Variants in CCDC166 observed in about 807,000 individuals in gnomAD.
CCDC166 encodes the protein coiled-coil domain-containing protein 166.
CCDC166 carries 17 observed loss-of-function variants against 14.4 expected under a neutral mutation model. The ratio of observed to expected loss-of-function variants is 1.18; its 90% CI spans 0.81 to 1.77. The LOEUF is 1.77. Ranked by LOEUF, CCDC166 falls within the 40% of genes most tolerant of loss-of-function variation. CCDC166 has a pLI of 0.00. For missense variants in CCDC166, 738 were observed against 665.8 expected, an observed-to-expected ratio of 1.11 and a Z score of -1.19; for synonymous variants, 336 against 330.1, an observed-to-expected ratio of 1.02 and a Z score of -0.20.
In CCDC166 at chr8:143,707,725, C is replaced by G; in HGVS notation, c.385G>C (p.Glu129Gln). 1 of 1,527,798 alleles carries G rather than the reference C, an allele frequency of 6.5e-7. No homozygotes were observed. The allele number at this position is 1,527,798 out of a possible 1,614,324, so 94.6% of individuals were successfully genotyped here. Reference sequence around the variant, plus strand: ...ATCTGTGCCGCGCGCGCCTCCATCTCCAACAGCTGCGCGCGCACCCCGTCC... The same window carrying G: ...ATCTGTGCCGCGCGCGCCTCCATCTGCAACAGCTGCGCGCGCACCCCGTCC... ...REDGVRAQLL[E>Q]MEARAAQMAQ... Residue 129 changes from glutamate (E) to glutamine (Q), a missense_variant, in exon 1 of 2, where the codon GAG (glutamate) becomes CAG (glutamine). Physicochemically the swap from Glu to Gln is conservative, Grantham distance 29 (BLOSUM62 2). Transcript: ENST00000542437. The surrounding 1 kb of genome is among the most constrained non-coding windows in gnomAD (Gnocchi z 8.0).
Position 143,707,311 on chromosome 8 carries a change from G to C in CCDC166, c.703C>G (p.Leu235Val). Reference protein sequence around the residue: ...GRLRQELLLLLRRTQLLHHTR... With the variant: ...GRLRQELLLLVRRTQLLHHTR... ...TGGTGCAGCAGCTGGGTCCGGCGGA[G>C]CAGCAGCAGCAGCTCCTGCCGCAGG... Residue 235 changes from leucine to valine, a missense_variant, in exon 2 of 2, where the codon CTC (leucine) becomes GTC (valine). Coordinates refer to ENST00000542437, the MANE Select transcript of CCDC166 (RefSeq NM_001162914.1). The surrounding 1 kb of genome is among the most constrained non-coding windows in gnomAD (Gnocchi z 8.0). The C allele has an allele frequency of 2.8e-6, 4 of 1,414,904 alleles. No homozygotes were observed. The highest frequency in any genetic ancestry group is 3.7e-6 in the Non-Finnish European group (4 of 1,089,418). 87.6% of individuals were successfully genotyped at this position (1,414,904 alleles called of 1,614,324 possible).
Position 143,707,081 on chromosome 8 carries a change from C to T in CCDC166, c.933G>A (p.Pro311=). 1 of 1,530,220 alleles carries T rather than the reference C, an allele frequency of 6.5e-7. No homozygotes were observed. Among genetic ancestry groups the T allele is most frequent in the Non-Finnish European group, 8.7e-7 (1 of 1,144,650 alleles). The allele number at this position is 1,530,220 out of a possible 1,614,324, so 94.8% of individuals were successfully genotyped here. Residue 311 remains proline, a synonymous_variant, in exon 2 of 2, where the codon CCG becomes CCA. Coordinates refer to ENST00000542437, the MANE Select transcript of CCDC166 (RefSeq NM_001162914.1). This position sits in a 1 kb window ranked among gnomAD's most constrained non-coding sequence, Gnocchi z 8.0. ...GGGCCGCGCGCGACGGTACCACAGA[C>T]GGGGTCTGGGAGGCCGCGCGCGACG... ...ISPSRAASQT[P]SVVPSRAAPR...
rs1817570882 is a variant in CCDC166 at position 143,707,894 on chromosome 8, C to T, written c.216G>A (p.Glu72=). ...LDREALRLRE[E]NRLYASYVSA... Reference sequence around the variant, plus strand: ...TCACGTAGCTGGCGTAGAGCCGGTTCTCCTCGCGCAGGCGCAGCGCCTCGC... The same window carrying T: ...TCACGTAGCTGGCGTAGAGCCGGTTTTCCTCGCGCAGGCGCAGCGCCTCGC... Residue 72 remains glutamate (E), a synonymous_variant, in exon 1 of 2, where the codon GAG becomes GAA. Transcript: ENST00000542437. This position sits in a 1 kb window ranked among gnomAD's most constrained non-coding sequence, Gnocchi z 8.0. 4.6e-6 allele frequency: 7 copies of T among 1,537,902 alleles called. No individual in the cohort carries two copies. The highest frequency in any genetic ancestry group is 6.1e-6 in the Non-Finnish European group (7 of 1,146,514).
Position 143,707,064 on chromosome 8 carries a change from C to T in CCDC166, c.950G>A (p.Arg317His). Residue 317 changes from arginine to histidine, a missense_variant, in exon 2 of 2, where the codon CGC (arginine) becomes CAC (histidine). By Grantham distance (29) the Arg-to-His change is conservative (BLOSUM62 0). Transcript: ENST00000542437. This position sits in a 1 kb window ranked among gnomAD's most constrained non-coding sequence, Gnocchi z 8.0. ...ASQTPSVVPS[R>H]AAPRASSVVP... is the part of the protein sequence containing the mutation. ...CACGGACGAGGCCCGGGGGGCCGCGCGCGACGGTACCACAGACGGGGTCTG... is the reference window on the plus strand; with the variant it reads ...CACGGACGAGGCCCGGGGGGCCGCGTGCGACGGTACCACAGACGGGGTCTG... 2 of 1,533,224 alleles carry T rather than the reference C, an allele frequency of 1.3e-6. No individual in the cohort carries two copies. The highest frequency in any genetic ancestry group is 1.7e-6 in the Non-Finnish European group (2 of 1,145,846). 95.0% of individuals were successfully genotyped at this position (1,533,224 alleles called of 1,614,324 possible).
chr8:143,706,917 G>A lies in CCDC166; in HGVS notation c.1097C>T (p.Ala366Val), dbSNP rs540956751. 5.8e-6 allele frequency: 9 copies of A among 1,549,762 alleles called. No individual in the cohort carries two copies. In the African/African-American group the frequency reaches 1.2e-4, roughly 21 times the overall value. ...CACCAGCGACAGGGCCCGGGAGCCT[G>A]CGCGCGAAGCGGTCAGGGATGGCAT... ...SRMPSLTASRAGSRALSLVQS... is the reference protein window; with the variant it reads ...SRMPSLTASRVGSRALSLVQS... Residue 366 changes from alanine (A) to valine (V), a missense_variant, in exon 2 of 2, where the codon GCA becomes GTA. Ala to Val is a moderately conservative substitution (Grantham distance 64). Coordinates refer to ENST00000542437, the MANE Select transcript of CCDC166 (RefSeq NM_001162914.1).
At position 143,706,851 on chromosome 8, in the gene CCDC166, G is replaced by C. The variant is rs1005566324; in HGVS notation, c.1163C>G (p.Pro388Arg). ...EGSGISSGSS[P>R]RVSSQDTLRS... ...GAGAGTGTCCTGTGAGGACACCCTC[G>C]GTGAGGACCCCGAAGAGATCCCAGA... Residue 388 changes from proline to arginine, a missense_variant, in exon 2 of 2, where the codon CCG becomes CGG. By Grantham distance (103) the Pro-to-Arg change is moderately radical. Transcript: ENST00000542437. 10 of 1,550,850 alleles carry C rather than the reference G, an allele frequency of 6.4e-6. No individual in the cohort carries two copies. Among genetic ancestry groups the C allele is most frequent in the Admixed American group, 2.0e-5 (1 of 50,990 alleles).
chr8:143,706,844 C>T lies in CCDC166; in HGVS notation c.1170G>A (p.Val390=), dbSNP rs371318236. The change falls in exon 2 of 2, where the codon GTG becomes GTA. Residue 390 remains valine (V), a synonymous_variant. Coordinates refer to ENST00000542437, the MANE Select transcript of CCDC166 (RefSeq NM_001162914.1). ...SGISSGSSPR[V]SSQDTLRSTK... ...TGGAGCGGAGAGTGTCCTGTGAGGACACCCTCGGTGAGGACCCCGAAGAGA... is the reference window on the plus strand; with the variant it reads ...TGGAGCGGAGAGTGTCCTGTGAGGATACCCTCGGTGAGGACCCCGAAGAGA... 155 of 1,550,934 alleles carry T rather than the reference C, an allele frequency of 1.0e-4. No individual in the cohort carries two copies. The highest frequency in any genetic ancestry group is 2.2e-5 in the Non-Finnish European group (25 of 1,146,954).
rs1358838510 is a variant in CCDC166 at position 143,707,729 on chromosome 8, C to G, written c.381G>C (p.Leu127=). The G allele has an allele frequency of 6.5e-7, 1 of 1,528,942 alleles. No homozygotes were observed. The highest frequency in any genetic ancestry group is 1.4e-5 in the African/African-American group (1 of 72,562). The allele number at this position is 1,528,942 out of a possible 1,614,324, so 94.7% of individuals were successfully genotyped here. Reference sequence around the variant, plus strand: ...GTGCCGCGCGCGCCTCCATCTCCAACAGCTGCGCGCGCACCCCGTCCTCGC... The same window carrying G: ...GTGCCGCGCGCGCCTCCATCTCCAAGAGCTGCGCGCGCACCCCGTCCTCGC... The part of the protein sequence containing the change: ...HGREDGVRAQ[L]LEMEARAAQM... The change falls in exon 1 of 2, where the codon CTG becomes CTC. Residue 127 remains leucine, a synonymous_variant. Coordinates refer to ENST00000542437, the MANE Select transcript of CCDC166 (RefSeq NM_001162914.1). The surrounding 1 kb of genome is among the most constrained non-coding windows in gnomAD (Gnocchi z 8.0).
In CCDC166 at chr8:143,707,192, C is replaced by A. The variant is rs1554616735; in HGVS notation, c.822G>T (p.Arg274Ser). Residue 274 changes from arginine to serine, a missense_variant, in exon 2 of 2, where the codon AGG (arginine) becomes AGT (serine). By Grantham distance (110) the Arg-to-Ser change is moderately radical. Transcript: ENST00000542437. This position sits in a 1 kb window ranked among gnomAD's most constrained non-coding sequence, Gnocchi z 8.0. ...DLARVHGWLRRGPGGPPLWER... is the reference protein window; with the variant it reads ...DLARVHGWLRSGPGGPPLWER... ...CCCAGAGCGGCGGGCCTCCGGGGCC[C>A]CTGCGCAGCCAGCCGTGCACACGCG... 7.2e-7 allele frequency: 1 copy of A among 1,384,272 alleles called. No homozygotes were observed. Among genetic ancestry groups the A allele is most frequent in the East Asian group, 2.9e-5 (1 of 34,114 alleles). 85.7% of individuals were successfully genotyped at this position (1,384,272 alleles called of 1,614,324 possible).
Position 143,707,091 on chromosome 8 carries a change from G to A in CCDC166, c.923C>T (p.Ser308Phe), listed in dbSNP as rs1479210728. 2 of 1,523,722 alleles carry A rather than the reference G, an allele frequency of 1.3e-6. No homozygotes were observed. The highest frequency in any genetic ancestry group is 1.8e-6 in the Non-Finnish European group (2 of 1,142,108). The allele number at this position is 1,523,722 out of a possible 1,614,324, so 94.4% of individuals were successfully genotyped here. A position where few individuals can be genotyped will look rare whatever the true frequency, so the allele number is the denominator to read the frequency against. Residue 308 changes from serine (S) to phenylalanine (F), a missense_variant, in exon 2 of 2, where the codon TCC becomes TTC. Transcript: ENST00000542437. The surrounding 1 kb of genome is among the most constrained non-coding windows in gnomAD (Gnocchi z 8.0). The stretch of plus-strand genomic sequence containing the variant: ...CGACGGTACCACAGACGGGGTCTGG[G>A]AGGCCGCGCGCGACGGGCTTATGGG... Reference protein sequence around the residue: ...AAPISPSRAASQTPSVVPSRA... With the variant: ...AAPISPSRAAFQTPSVVPSRA...
chr8:143,707,936 C>T lies in CCDC166; in HGVS notation c.174G>A (p.Glu58=). ...GCGCCTCGCGGTCCAGGAAGGCGTT[C>T]TCTCGCAGCACCTGGTCAACGCTCT... ...CEESVDQVLR[E]NAFLDREALR... The change falls in exon 1 of 2, where the codon GAG becomes GAA. Residue 58 remains glutamate (E), a synonymous_variant. Coordinates refer to ENST00000542437, the MANE Select transcript of CCDC166 (RefSeq NM_001162914.1). This position sits in a 1 kb window ranked among gnomAD's most constrained non-coding sequence, Gnocchi z 8.0. 2 of 1,537,468 alleles carry T rather than the reference C, an allele frequency of 1.3e-6. No individual in the cohort carries two copies. Among genetic ancestry groups the T allele is most frequent in the East Asian group, 2.4e-5 (1 of 40,882 alleles).
rs1274069119 is a variant in CCDC166 at position 143,707,887 on chromosome 8, G to A, written c.223C>T (p.Leu75Phe). ...CGCGCGCTCACGTAGCTGGCGTAGA[G>A]CCGGTTCTCCTCGCGCAGGCGCAGC... ...EALRLREENR[L>F]YASYVSARAQ... is the part of the protein sequence containing the mutation. The change falls in exon 1 of 2, where the codon CTC becomes TTC. Residue 75 changes from leucine (L) to phenylalanine (F), a missense_variant. Transcript: ENST00000542437. This position sits in a 1 kb window ranked among gnomAD's most constrained non-coding sequence, Gnocchi z 8.0. 11 of 1,537,960 alleles carry A rather than the reference G, an allele frequency of 7.2e-6. No homozygotes were observed. Among genetic ancestry groups the A allele is most frequent in the Non-Finnish European group, 9.6e-6 (11 of 1,146,522 alleles).
chr8:143,707,635 C>G lies in CCDC166; in HGVS notation c.444+31G>C. ...CGGCCCGGCCACCAGCCCCGCCCCGCCTCACCCCGGCCGCGGGCGGGCTCA... is the reference window on the plus strand; with the variant it reads ...CGGCCCGGCCACCAGCCCCGCCCCGGCTCACCCCGGCCGCGGGCGGGCTCA... On this transcript the variant is annotated intron_variant, in intron 1 of 1. Coordinates refer to ENST00000542437, the MANE Select transcript of CCDC166 (RefSeq NM_001162914.1). The surrounding 1 kb of genome is among the most constrained non-coding windows in gnomAD (Gnocchi z 8.0). 2 of 1,378,770 alleles carry G rather than the reference C, an allele frequency of 1.5e-6. No individual in the cohort carries two copies. Among genetic ancestry groups the G allele is most frequent in the Middle Eastern group, 2.7e-4 (1 of 3,762 alleles). The allele number at this position is 1,378,770 out of a possible 1,614,324, so 85.4% of individuals were successfully genotyped here.
chr8:143,707,771 G>A lies in CCDC166; in HGVS notation c.339C>T (p.Ala113=). ...CGTCCTCGCGCCCGTGGTAGAGCGAGGCCAGTTCCGCCCGCTGCCAGTGGA... is the reference window on the plus strand; with the variant it reads ...CGTCCTCGCGCCCGTGGTAGAGCGAAGCCAGTTCCGCCCGCTGCCAGTGGA... ...AQIHWQRAEL[A]SLYHGREDGV... is the part of the protein sequence containing the mutation. The change falls in exon 1 of 2, where the codon GCC becomes GCT. Residue 113 remains alanine, a synonymous_variant. Coordinates refer to ENST00000542437, the MANE Select transcript of CCDC166 (RefSeq NM_001162914.1). The surrounding 1 kb of genome is among the most constrained non-coding windows in gnomAD (Gnocchi z 8.0). 6.5e-7 allele frequency: 1 copy of A among 1,539,626 alleles called. No homozygotes were observed. Among genetic ancestry groups the A allele is most frequent in the East Asian group, 2.4e-5 (1 of 40,830 alleles).
Position 143,707,483 on chromosome 8 carries a change from G to A in CCDC166, c.531C>T (p.His177=). The change falls in exon 2 of 2, where the codon CAC becomes CAT. Residue 177 remains histidine, a synonymous_variant. Transcript: ENST00000542437. The surrounding 1 kb of genome is among the most constrained non-coding windows in gnomAD (Gnocchi z 8.0). ...HMRVEHTQLL[H]RVKRRFLEDK... is the part of the protein sequence containing the mutation. ...CCTCCAGGAAGCGCCGCTTCACGCG[G>A]TGGAGCAGCTGCGTGTGCTCCACGC... The A allele has an allele frequency of 3.4e-6, 5 of 1,469,142 alleles. No individual in the cohort carries two copies. Among genetic ancestry groups the A allele is most frequent in the Non-Finnish European group, 4.5e-6 (5 of 1,118,466 alleles). The allele number at this position is 1,469,142 out of a possible 1,614,324, so 91.0% of individuals were successfully genotyped here. A position where few individuals can be genotyped will look rare whatever the true frequency, so the allele number is the denominator to read the frequency against.
Position 143,707,935 on chromosome 8 carries a change from T to G in CCDC166, c.175A>C (p.Asn59His). The change falls in exon 1 of 2, where the codon AAC becomes CAC. Residue 59 changes from asparagine to histidine, a missense_variant. Asn to His is a moderately conservative substitution (Grantham distance 68). Transcript: ENST00000542437. This position sits in a 1 kb window ranked among gnomAD's most constrained non-coding sequence, Gnocchi z 8.0. Reference protein sequence around the residue: ...EESVDQVLRENAFLDREALRL... With the variant: ...EESVDQVLREHAFLDREALRL... ...AGCGCCTCGCGGTCCAGGAAGGCGT[T>G]CTCTCGCAGCACCTGGTCAACGCTC... 5.2e-6 allele frequency: 8 copies of G among 1,537,266 alleles called. No homozygotes were observed. Among genetic ancestry groups the G allele is most frequent in the Non-Finnish European group, 7.0e-6 (8 of 1,146,512 alleles).
At position 143,707,881 on chromosome 8, in the gene CCDC166, C is replaced by T. The variant is rs1554616964; in HGVS notation, c.229G>A (p.Ala77Thr). Residue 77 changes from alanine to threonine, a missense_variant, in exon 1 of 2, where the codon GCC becomes ACC. Transcript: ENST00000542437. This position sits in a 1 kb window ranked among gnomAD's most constrained non-coding sequence, Gnocchi z 8.0. ...LRLREENRLY[A>T]SYVSARAQRC... ...TGGGCGCGCGCGCTCACGTAGCTGG[C>T]GTAGAGCCGGTTCTCCTCGCGCAGG... 3.9e-6 allele frequency: 6 copies of T among 1,538,038 alleles called. No individual in the cohort carries two copies. The highest frequency in any genetic ancestry group is 2.4e-5 in the East Asian group (1 of 40,864).
In CCDC166 at chr8:143,707,403, C is replaced by T; in HGVS notation, c.611G>A (p.Arg204His). The T allele has an allele frequency of 7.0e-7, 1 of 1,435,894 alleles. No individual in the cohort carries two copies. 88.9% of individuals were successfully genotyped at this position (1,435,894 alleles called of 1,614,324 possible). The change falls in exon 2 of 2, where the codon CGC (arginine) becomes CAC (histidine). Residue 204 changes from arginine (R) to histidine (H), a missense_variant. Transcript: ENST00000542437. The surrounding 1 kb of genome is among the most constrained non-coding windows in gnomAD (Gnocchi z 8.0). ...CGCGCGCACCGCCTCCCGCTCCGCG[C>T]GCCGCGCCAGTGACTGCACGCGCTG... Reference protein sequence around the residue: ...ARQRVQSLARRAEREAVRALV... With the variant: ...ARQRVQSLARHAEREAVRALV...
At position 143,707,279 on chromosome 8, in the gene CCDC166, C is replaced by T; in HGVS notation, c.735G>A (p.Arg245=). The change falls in exon 2 of 2, where the codon CGG becomes CGA. Residue 245 remains arginine (R), a synonymous_variant. Transcript: ENST00000542437. This position sits in a 1 kb window ranked among gnomAD's most constrained non-coding sequence, Gnocchi z 8.0. The part of the protein sequence containing the change: ...LRRTQLLHHT[R]RQLLEQREQL... Reference sequence around the variant, plus strand: ...GCTCGCGCTGTTCCAGCAGCTGGCGCCGCGTGTGGTGCAGCAGCTGGGTCC... The same window carrying T: ...GCTCGCGCTGTTCCAGCAGCTGGCGTCGCGTGTGGTGCAGCAGCTGGGTCC... The T allele has an allele frequency of 6.9e-7, 1 of 1,451,520 alleles. No individual in the cohort carries two copies. The highest frequency in any genetic ancestry group is 3.0e-5 in the East Asian group (1 of 33,838). 89.9% of individuals were successfully genotyped at this position (1,451,520 alleles called of 1,614,324 possible).
Sources: gnomAD v4.1 joint callset for allele counts on GRCh38, gnomAD v4.1.1 for gene constraint, Gnocchi (gnomAD v3.1) non-coding constraint, MANE v1.5 for transcripts, NCBI Gene and HGNC (gene_info 2026-07-23, HGNC 2026-07-21) for gene names.